The following CD164 variants were observed in gnomAD, a reference collection of about 807,000 sequenced individuals.
CD164 encodes the protein sialomucin core protein 24.
In CD164, 11 loss-of-function variants were observed where a neutral mutation model predicts 24.6. The ratio of observed to expected loss-of-function variants is 0.45; its 90% CI spans 0.28 to 0.74. CD164 has a LOEUF of 0.74. Ranked by LOEUF, CD164 falls within the 30% of genes least tolerant of loss-of-function variation. The pLI, the probability that CD164 is intolerant of heterozygous loss-of-function variation, is 0.13. For missense variants in CD164, 295 were observed against 243.7 expected, an observed-to-expected ratio of 1.21 and a Z score of -1.40; for synonymous variants, 126 against 100.3, an observed-to-expected ratio of 1.26 and a Z score of -1.53.
chr6:109,382,248 G>T lies in CD164; in HGVS notation c.131C>A (p.Ser44Ter). The T allele has an allele frequency of 6.3e-7, 1 of 1,587,466 alleles. No homozygotes were observed. Among genetic ancestry groups the T allele is most frequent in the East Asian group, 2.3e-5 (1 of 43,452 alleles). ...TTLAPISNVT[S>*]APVTSLPLVT... ...CAGCGGGAGGGACGTCACCGGCGCC[G>T]AGGTTACGTTGGAGATGGGCGCTAA... The change falls in exon 1 of 6, where the codon TCG becomes TAG. Residue 44 changes from serine (S) to a stop codon, truncating the protein, a stop_gained. Coordinates refer to ENST00000310786, the MANE Select transcript of CD164 (RefSeq NM_006016.6). LOFTEE classifies it high-confidence loss of function.
chr6:109,382,074 C>A (rs1771786313), intron 1 of CD164, 130 bp downstream of exon 1: 3 of 764,156 alleles, frequency 3.9e-6, no homozygotes, highest in South Asian at 5.4e-5. Flanking sequence ...TTGCCGGAGT[C>A]GCCGCCGCAC....
At chr6:109,372,534 C>T (rs1385602461) in intron 4 of CD164, 1 of 152,138 alleles carries the variant, frequency 6.6e-6, no homozygotes, top group Admixed American at 6.5e-5. Flanking sequence ...TTTTTTCCCT[C>T]TTACTTCAAG....
chr6:109,380,088 A>G (rs1771652337), intron 1 of CD164: 1 of 150,320 alleles, frequency 6.7e-6, no homozygotes, highest in South Asian at 2.0e-4. Flanking sequence ...TTTTAGTAGT[A>G]ACAGTAGTAG....
Position 109,379,608 on chromosome 6 carries a change from T to C in CD164, c.230A>G (p.Asn77Ser). The C allele has an allele frequency of 1.2e-6, 2 of 1,613,602 alleles. No individual in the cohort carries two copies. The highest frequency in any genetic ancestry group is 1.7e-6 in the Non-Finnish European group (2 of 1,179,818). Residue 77 changes from asparagine to serine, a missense_variant, in exon 2 of 6, where the codon AAT (asparagine) becomes AGT (serine). Asn to Ser is a conservative substitution (Grantham distance 46). Transcript: ENST00000310786. ...ACATTCTATCCAAAAGCAGGTAGTA[T>C]TAACAACGCTAACATTAAAACAGGA... ...CVSCFNVSVV[N>S]TTCFWIECKD...
In CD164 at chr6:109,382,325, G is replaced by A. The variant is rs938936993; in HGVS notation, c.54C>T (p.Leu18=). 2 of 1,573,998 alleles carry A rather than the reference G, an allele frequency of 1.3e-6. No individual in the cohort carries two copies. The highest frequency in any genetic ancestry group is 2.7e-5 in the African/African-American group (2 of 74,252). The part of the protein sequence containing the change: ...LLWAATCLGV[L]CVLSADKNTT... The stretch of plus-strand genomic sequence containing the variant: ...TGTTCTTGTCCGCGGACAGCACGCA[G>A]AGCACGCCCAGGCAGGTGGCGGCCC... The change falls in exon 1 of 6, where the codon CTC becomes CTT. Residue 18 remains leucine (L), a synonymous_variant. Coordinates refer to ENST00000310786, the MANE Select transcript of CD164 (RefSeq NM_006016.6).
intron 1 of CD164, chr6:109,380,377 G>A (rs1353023562): frequency 6.6e-6 from 1 of 152,124 alleles, no homozygotes. Context: ...TTTCCAGTGA[G>A]AAAAAGCAGC....
At position 109,381,636 on chromosome 6, in the gene CD164, T is replaced by G. The variant is rs1440968559; in HGVS notation, c.175+568A>C. 17 of 701,056 alleles carry G rather than the reference T, an allele frequency of 2.4e-5. No homozygotes were observed. In the East Asian group the frequency reaches 4.6e-4, roughly 19 times the overall value. 43.4% of individuals were successfully genotyped at this position (701,056 alleles called of 1,614,324 possible). A position where few individuals can be genotyped will look rare whatever the true frequency, so the allele number is the denominator to read the frequency against. On this transcript the variant is annotated intron_variant, in intron 1 of 5. Transcript: ENST00000310786. ...TCAAACGTCAGCTACATTCTATTCC[T>G]ATCTGCAAAACCAATGTAATTAAAT...
intron 4 of CD164, among the ~76,000 whole-genome samples, chr6:109,373,905 G>A (rs1401255718): frequency 2.6e-5 from 4 of 152,168 alleles, no homozygotes; most frequent in Non-Finnish European, 5.9e-5. Flanking sequence ...GCTGGGAAGA[G>A]CTACTACACA....
At position 109,368,341 on chromosome 6, in the gene CD164, C is replaced by T; in HGVS notation, c.*510G>A. Reference sequence around the variant, plus strand: ...CATCTTATTTCTAATGTAGAAAAAACAGCTGTTATCAAGCACAAAATTTTA... The same window carrying T: ...CATCTTATTTCTAATGTAGAAAAAATAGCTGTTATCAAGCACAAAATTTTA... On this transcript the variant is annotated 3_prime_UTR_variant, in exon 6 of 6. Coordinates refer to ENST00000310786, the MANE Select transcript of CD164 (RefSeq NM_006016.6). The T allele has an allele frequency of 6.5e-7, 1 of 1,533,070 alleles. No homozygotes were observed. The highest frequency in any genetic ancestry group is 8.8e-7 in the Non-Finnish European group (1 of 1,138,654). The allele number at this position is 1,533,070 out of a possible 1,614,324, so 95.0% of individuals were successfully genotyped here. A position where few individuals can be genotyped will look rare whatever the true frequency, so the allele number is the denominator to read the frequency against.
intron 4 of CD164, among the ~76,000 whole-genome samples, chr6:109,374,145 T>C (rs1771267129): frequency 6.6e-6 from 1 of 152,172 alleles, no homozygotes; most frequent in South Asian, 2.1e-4. Context: ...TACTGTTTCC[T>C]AGAGTCTGGT....
chr6:109,379,601 G>C lies in CD164; in HGVS notation c.237C>G (p.Thr79=). ...TACCTTTACATTCTATCCAAAAGCAGGTAGTATTAACAACGCTAACATTAA... is the reference window on the plus strand; with the variant it reads ...TACCTTTACATTCTATCCAAAAGCACGTAGTATTAACAACGCTAACATTAA... ...SCFNVSVVNT[T]CFWIECKDES... Residue 79 remains threonine, a synonymous_variant, in exon 2 of 6, where the codon ACC becomes ACG. Transcript: ENST00000310786. 6.2e-7 allele frequency: 1 copy of C among 1,613,054 alleles called. No homozygotes were observed. Among genetic ancestry groups the C allele is most frequent in the Non-Finnish European group, 8.5e-7 (1 of 1,179,604 alleles).
chr6:109,375,933 AT>A (rs1307140128), intron 4 of CD164, 140 bp downstream of exon 4: 4 of 639,304 alleles, frequency 6.3e-6, no homozygotes, highest in Non-Finnish European at 1.1e-5. Context: ...ATTAACGTTA[AT>A]TGCTGTGGTC....
chr6:109,376,304 A>G (rs569053214), intron 3 of CD164, among the ~76,000 whole-genome samples, 192 bp from the exon 4 acceptor site: 20 of 152,104 alleles, frequency 1.3e-4, no homozygotes, highest in Non-Finnish European at 2.4e-4. Context: ...AGAATCACCA[A>G]TTTTTATCAA....
At chr6:109,374,722 T>C (rs1771296474) in intron 4 of CD164, among the ~76,000 whole-genome samples, 1 of 152,138 alleles carries the variant, frequency 6.6e-6, no homozygotes, top group African/African-American at 2.4e-5. Context: ...CTTAACTCCT[T>C]CTCACCTTGT....
rs759150769 is a variant in CD164 at position 109,382,375 on chromosome 6, A to G, written c.4T>C (p.Ser2Pro). 5 of 1,539,632 alleles carry G rather than the reference A, an allele frequency of 3.2e-6. No individual in the cohort carries two copies. In the East Asian group the frequency reaches 1.2e-4, roughly 38 times the overall value. The stretch of plus-strand genomic sequence containing the variant: ...CAAAGCAGTGAGCGGGAGAGCCGCG[A>G]CATCGTGTCCTCAGCGCTGGCGTTC... M[S>P]RLSRSLLWAA... The change falls in exon 1 of 6, where the codon TCG becomes CCG. Residue 2 changes from serine (S) to proline (P), a missense_variant. Coordinates refer to ENST00000310786, the MANE Select transcript of CD164 (RefSeq NM_006016.6).
At chr6:109,374,725 C>T (rs1771296759) in intron 4 of CD164, among the ~76,000 whole-genome samples, 1 of 152,202 alleles carries the variant, frequency 6.6e-6, no homozygotes. Context: ...AACTCCTTCT[C>T]ACCTTGTACA....
rs1405470777 is a variant in CD164 at position 109,368,307 on chromosome 6, C to T, written c.*544G>A. The T allele has an allele frequency of 1.9e-6, 3 of 1,541,722 alleles. No homozygotes were observed. Among genetic ancestry groups the T allele is most frequent in the East Asian group, 2.5e-5 (1 of 40,452 alleles). ...TTTCTTTAAATCTGGAATGTAGTTC[C>T]TTGTGTGGCATCTTATTTCTAATGT... On this transcript the variant is annotated 3_prime_UTR_variant, in exon 6 of 6. Coordinates refer to ENST00000310786, the MANE Select transcript of CD164 (RefSeq NM_006016.6).
At position 109,375,842 on chromosome 6, in the gene CD164, T is replaced by C. The variant is rs1771375126; in HGVS notation, c.370+232A>G. The C allele has an allele frequency of 8.7e-6, 4 of 459,524 alleles. No individual in the cohort carries two copies. The South Asian group carries it at 1.2e-4, about 14-fold the overall frequency. 28.5% of individuals were successfully genotyped at this position (459,524 alleles called of 1,614,324 possible). ...TATAAAAAGTACTTTATAGACTCAA[T>C]GTACACAGCCTCAGCAAATCTGCTC... On this transcript the variant is annotated intron_variant, in intron 4 of 5. Coordinates refer to ENST00000310786, the MANE Select transcript of CD164 (RefSeq NM_006016.6).
chr6:109,381,967 C>G lies in CD164; in HGVS notation c.175+237G>C, dbSNP rs532750274. 6.7e-3 allele frequency: 2,522 copies of G among 377,632 alleles called. 60 individuals are homozygous for G. Among genetic ancestry groups the G allele is most frequent in the African/African-American group, 0.05 (2,345 of 47,208 alleles). The allele number at this position is 377,632 out of a possible 1,614,324, so 23.4% of individuals were successfully genotyped here. Reference sequence around the variant, plus strand: ...TCGACTTGCAACACTTCGAGGGGGGCCCCAGCCCCGCAGCCACTGGGAACC... The same window carrying G: ...TCGACTTGCAACACTTCGAGGGGGGGCCCAGCCCCGCAGCCACTGGGAACC... On this transcript the variant is annotated intron_variant, in intron 1 of 5. Transcript: ENST00000310786.
Sources: gnomAD v4.1 joint callset for allele counts (sites outside exome capture counted in the v4.1 genomes callset) on GRCh38, gnomAD v4.1.1 for gene constraint, MANE v1.5 for transcripts, NCBI Gene and HGNC (gene_info 2026-07-23, HGNC 2026-07-21) for gene names.